Variants in CERS4 observed in about 807,000 individuals in gnomAD.
CERS4 encodes the protein LAG1 homolog, ceramide synthase 4.
A neutral mutation model predicts 51.8 loss-of-function variants in CERS4; 65 were observed. The ratio of observed to expected loss-of-function variants is 1.26; its 90% CI spans 1.03 to 1.54. The LOEUF is 1.54. Ranked by LOEUF, CERS4 falls within the 40% of genes most tolerant of loss-of-function variation. The pLI is 0.00. For missense variants in CERS4, 563 were observed against 500.4 expected (o/e 1.13, Z -1.19); for synonymous variants, 228 against 208.4 (o/e 1.09, Z -0.81).
At chr19:8,232,866 G>A (rs7250035) in intron 2 of CERS4, among the ~76,000 whole-genome samples, 37,071 of 147,668 alleles carry the variant, frequency 0.25, 5,072 homozygotes, top group East Asian at 0.39. Context: ...AGGACTACAG[G>A]GAGACACCAC....
chr19:8,249,655 G>C (rs1317101580), intron 2 of CERS4, among the ~76,000 whole-genome samples: 1 of 137,398 alleles, frequency 7.3e-6, no homozygotes, highest in African/African-American at 2.7e-5. Flanking sequence ...GCAGTGGCCT[G>C]ATCTCTGCTC....
chr19:8,222,851 C>T (rs1000993517), intron 2 of CERS4, among the ~76,000 whole-genome samples: 3 of 152,154 alleles, frequency 2.0e-5, no homozygotes, highest in Admixed American at 6.6e-5. Context: ...AGGTGGAAGA[C>T]GGACAGGTGG....
intron 3 of CERS4, 140 bp from the exon 4 acceptor site, chr19:8,254,359 C>T (rs1213020491): frequency 3.8e-6 from 2 of 520,624 alleles, no homozygotes; most frequent in East Asian, 6.2e-5. Flanking sequence ...CACACCCTGC[C>T]ATGTGCCAGC....
intron 2 of CERS4, among the ~76,000 whole-genome samples, chr19:8,245,746 G>T (rs567342497): frequency 6.6e-6 from 1 of 150,790 alleles, no homozygotes; most frequent in East Asian, 2.0e-4. Flanking sequence ...CACCGTGTTG[G>T]CCAGGCTGGT....
intron 8 of CERS4, 82 bp downstream of exon 8, chr19:8,256,792 C>T: frequency 1.3e-6 from 2 of 1,571,034 alleles, no homozygotes; most frequent in African/African-American, 1.4e-5. Context: ...CTTACAACCG[C>T]ACCTTGAGAG....
intron 2 of CERS4, among the ~76,000 whole-genome samples, chr19:8,243,194 TAAAAAAAAA>T (rs56754017): frequency 1.7e-5 from 1 of 59,866 alleles, no homozygotes; most frequent in Non-Finnish European, 3.0e-5. Flanking sequence ...ACCCTGTCTC[TAAAAAAAAA>T]AAAAAAAAAA....
At chr19:8,258,933 A>C (rs1170766795) in intron 10 of CERS4, among the ~76,000 whole-genome samples, 2 of 152,050 alleles carry the variant, frequency 1.3e-5, no homozygotes, top group African/African-American at 4.8e-5. Context: ...CAGGAGATCG[A>C]GACCACTTTG....
rs576236985 is a variant in CERS4 at position 8,261,677 on chromosome 19, C to G, written c.849-11C>G. 3.7e-6 allele frequency: 6 copies of G among 1,613,868 alleles called. No individual in the cohort carries two copies. The African/African-American group carries it at 4.0e-5, about 11-fold the overall frequency. On this transcript the variant is annotated splice_polypyrimidine_tract_variant and intron_variant, in intron 10 of 11. Transcript: ENST00000251363. ...TCAAACCCCAGCCTCCTCCTCTCCC[C>G]CTGGCTGTAGGATCCTCTACACCAC...
At chr19:8,229,966 T>G (rs1967942631) in intron 2 of CERS4, among the ~76,000 whole-genome samples, 1 of 151,594 alleles carries the variant, frequency 6.6e-6, no homozygotes, top group Admixed American at 6.6e-5. Context: ...GCTCAAGTGA[T>G]CTTCCCGCCT....
At chr19:8,235,265 C>A (rs1968198711) in intron 2 of CERS4, among the ~76,000 whole-genome samples, 1 of 150,958 alleles carries the variant, frequency 6.6e-6, no homozygotes, top group Non-Finnish European at 1.5e-5. Context: ...CCTCAGCCTC[C>A]CAAAGTGCTG....
chr19:8,224,293 G>C (rs1967692734), intron 2 of CERS4, among the ~76,000 whole-genome samples: 1 of 151,376 alleles, frequency 6.6e-6, no homozygotes, highest in Admixed American at 6.6e-5. Context: ...TGTAATCCCA[G>C]CTACTCAGGA....
At chr19:8,240,181 C>T (rs1230599043) in intron 2 of CERS4, among the ~76,000 whole-genome samples, 1 of 152,032 alleles carries the variant, frequency 6.6e-6, no homozygotes, top group Non-Finnish European at 1.5e-5. Flanking sequence ...GCCCAGCAAG[C>T]AGCAGTTGCT....
At chr19:8,242,674 T>G (rs1263618835) in intron 2 of CERS4, among the ~76,000 whole-genome samples, 3 of 152,140 alleles carry the variant, frequency 2.0e-5, no homozygotes, top group African/African-American at 7.2e-5. Flanking sequence ...AGGGCAGAGA[T>G]GTTGCTTGTT....
chr19:8,213,016 T>G (rs1215707230), intron 2 of CERS4, among the ~76,000 whole-genome samples: 4 of 151,666 alleles, frequency 2.6e-5, no homozygotes, highest in Non-Finnish European at 4.4e-5. Context: ...CAGTACAAGC[T>G]CTTTTCTTTG....
rs570954938 is a variant in CERS4, at chr19:8,237,830, G to T, written c.-1-13246G>T. Among the ~76,000 whole-genome samples, 100 of 152,236 alleles carry T rather than the reference G, an allele frequency of 6.6e-4. 1 individual carries two copies. Among genetic ancestry groups the T allele is most frequent in the African/African-American group, 2.2e-3 (91 of 41,532 alleles). On this transcript the variant is annotated intron_variant, in intron 2 of 11. Coordinates refer to ENST00000251363, the MANE Select transcript of CERS4 (RefSeq NM_024552.3). ...TGCGCCACTGCACACCAGCCTGGGC[G>T]ACAGAGCGAGACTCCGTGTCAAAAC...
chr19:8,232,580 C>A (rs1968060923), intron 2 of CERS4, among the ~76,000 whole-genome samples: 1 of 152,156 alleles, frequency 6.6e-6, no homozygotes, highest in Non-Finnish European at 1.5e-5. Flanking sequence ...GCATGAGCCA[C>A]TGTGCCCGGC....
intron 2 of CERS4, among the ~76,000 whole-genome samples, chr19:8,238,103 C>T (rs1282745910): frequency 2.0e-5 from 3 of 152,006 alleles, no homozygotes; most frequent in Admixed American, 2.0e-4. Context: ...TTTTTCCCTC[C>T]AACCCCCCAG....
intron 2 of CERS4, among the ~76,000 whole-genome samples, chr19:8,235,347 C>T (rs1444624607): frequency 2.7e-5 from 4 of 146,648 alleles, no homozygotes; most frequent in Non-Finnish European, 6.1e-5. Context: ...AGGCTAGTCT[C>T]AAACTCCTGA....
intron 2 of CERS4, among the ~76,000 whole-genome samples, chr19:8,227,561 C>T (rs1047396929): frequency 6.6e-6 from 1 of 151,872 alleles, no homozygotes; most frequent in Admixed American, 6.6e-5. Flanking sequence ...AGGCTGGTCT[C>T]GAACTCCTGA....
Sources: allele counts gnomAD v4.1 joint callset (sites outside exome capture counted in the v4.1 genomes callset), GRCh38; gene constraint gnomAD v4.1.1; transcripts MANE v1.5; gene names NCBI Gene and HGNC (gene_info 2026-07-23, HGNC 2026-07-21).